Variants in SND1 observed in about 807,000 individuals in gnomAD.
SND1 encodes the protein staphylococcal nuclease domain-containing protein 1.
SND1 carries 38 observed loss-of-function variants against 121.7 expected under a neutral mutation model. The ratio of observed to expected loss-of-function variants is 0.31; its 90% CI spans 0.24 to 0.41. The LOEUF is 0.41. Ranked by LOEUF, SND1 falls within the 10% of genes least tolerant of loss-of-function variation. The pLI, the probability that SND1 is intolerant of heterozygous loss-of-function variation, is 1.00. For synonymous variants in SND1, 401 were observed against 447.4 expected, an observed-to-expected ratio of 0.90 and a Z score of 1.31; for missense variants, 868 against 1,184.6, an observed-to-expected ratio of 0.73 and a Z score of 3.92.
intron 15 of SND1, among the ~76,000 whole-genome samples, chr7:127,932,553 A>G (rs1800975044): frequency 1.3e-5 from 2 of 152,372 alleles, no homozygotes; most frequent in African/African-American, 4.8e-5. Context: ...GTTTGAGAGA[A>G]TGGACTCTAA....
At chr7:128,026,175 T>C (rs1803471974) in intron 16 of SND1, among the ~76,000 whole-genome samples, 1 of 152,190 alleles carries the variant, frequency 6.6e-6, no homozygotes, top group South Asian at 2.1e-4. Context: ...AATTTCTTGC[T>C]TTTTCACCTG....
At chr7:127,826,185 C>A (rs1378858850) in intron 11 of SND1, among the ~76,000 whole-genome samples, 3 of 152,176 alleles carry the variant, frequency 2.0e-5, no homozygotes, top group Non-Finnish European at 2.9e-5. Context: ...GAGCGAAACT[C>A]AGTCTCAAAA....
At chr7:128,077,158 C>T (rs1041811952) in intron 17 of SND1, among the ~76,000 whole-genome samples, 6 of 152,340 alleles carry the variant, frequency 3.9e-5, no homozygotes, top group Middle Eastern at 3.4e-3. Flanking sequence ...TAAAGGCCTC[C>T]GCCACCTTGG....
At chr7:127,726,829 G>T (rs554450195) in intron 10 of SND1, among the ~76,000 whole-genome samples, 5 of 152,174 alleles carry the variant, frequency 3.3e-5, no homozygotes, top group Admixed American at 2.0e-4. Context: ...CAATCCCCAG[G>T]TGTATAAAAT....
chr7:128,074,804 G>C (rs1371073896), intron 17 of SND1, 114 bp downstream of exon 17: 1 of 1,081,776 alleles, frequency 9.2e-7, no homozygotes, highest in South Asian at 1.6e-5. Flanking sequence ...AGTAGCCCAG[G>C]AAGGTGTTGG....
chr7:127,955,717 G>A (rs192018428), intron 15 of SND1, among the ~76,000 whole-genome samples: 3 of 152,236 alleles, frequency 2.0e-5, no homozygotes, highest in Admixed American at 2.0e-4. Flanking sequence ...GCTCTGACAG[G>A]ATTCTGTCTC....
intron 13 of SND1, among the ~76,000 whole-genome samples, chr7:127,896,444 A>G (rs1360656904): frequency 6.6e-6 from 1 of 152,056 alleles, no homozygotes; most frequent in African/African-American, 2.4e-5. Context: ...CAGGCACATC[A>G]CTATCGCTCG....
intron 12 of SND1, among the ~76,000 whole-genome samples, chr7:127,852,063 G>A (rs1222206120): frequency 6.6e-6 from 1 of 152,060 alleles, no homozygotes; most frequent in Non-Finnish European, 1.5e-5. Context: ...GGAAGGCTGA[G>A]GCATGAGAAT....
intron 10 of SND1, among the ~76,000 whole-genome samples, chr7:127,795,024 C>T (rs1385206184): frequency 3.9e-5 from 6 of 152,200 alleles, no homozygotes; most frequent in Admixed American, 3.9e-4. Context: ...TTTTCCTCTA[C>T]TGCTTTTAAA....
intron 15 of SND1, among the ~76,000 whole-genome samples, chr7:127,980,891 ATTT>A (rs1432747644): frequency 6.6e-6 from 1 of 151,896 alleles, no homozygotes; most frequent in Non-Finnish European, 1.5e-5. Flanking sequence ...GTAGATTCAA[ATTT>A]TTCTCTTTAT....
chr7:127,750,313 T>A (rs1300254224), intron 10 of SND1, among the ~76,000 whole-genome samples: 1 of 152,186 alleles, frequency 6.6e-6, no homozygotes, highest in East Asian at 1.9e-4. Flanking sequence ...CTGGTTCTTA[T>A]GAGTGGAAAG....
chr7:127,655,865 C>T (rs766163065), intron 1 of SND1, among the ~76,000 whole-genome samples: 3 of 152,070 alleles, frequency 2.0e-5, no homozygotes, highest in Non-Finnish European at 2.9e-5. Flanking sequence ...GTCAAGCATT[C>T]GCAACAGCAG....
intron 1 of SND1, among the ~76,000 whole-genome samples, chr7:127,679,480 T>C (rs1795673172): frequency 6.6e-6 from 1 of 152,196 alleles, no homozygotes; most frequent in Admixed American, 6.5e-5. Context: ...GTTGACACTT[T>C]TAAAGTATAT....
At chr7:127,760,974 T>C (rs1325938382) in intron 10 of SND1, among the ~76,000 whole-genome samples, 1 of 152,224 alleles carries the variant, frequency 6.6e-6, no homozygotes, top group Admixed American at 6.5e-5. Context: ...TCATAATCTT[T>C]AGAGAACATT....
intron 11 of SND1, among the ~76,000 whole-genome samples, chr7:127,841,451 A>T (rs951294607): frequency 6.6e-5 from 10 of 152,134 alleles, no homozygotes; most frequent in Non-Finnish European, 2.9e-5. Flanking sequence ...TCCTATTTAA[A>T]ATGGGCCCTG....
At chr7:128,021,706 T>C (rs1246470534) in intron 16 of SND1, among the ~76,000 whole-genome samples, 1 of 152,052 alleles carries the variant, frequency 6.6e-6, no homozygotes, top group Non-Finnish European at 1.5e-5. Flanking sequence ...TAAAAGAGAC[T>C]ACAAATTAAG....
intron 11 of SND1, among the ~76,000 whole-genome samples, chr7:127,808,298 G>A (rs1002074677): frequency 3.3e-5 from 5 of 151,962 alleles, no homozygotes; most frequent in African/African-American, 9.7e-5. Context: ...GAATAGCTGG[G>A]ACTGCAGGTA....
chr7:127,913,376 A>G (rs1287956026), intron 14 of SND1, among the ~76,000 whole-genome samples: 2 of 152,218 alleles, frequency 1.3e-5, no homozygotes, highest in African/African-American at 2.4e-5. Context: ...CTTTTAGTGA[A>G]GTGTACTGAG....
chr7:128,066,609 A>G (rs1322563611), intron 16 of SND1, among the ~76,000 whole-genome samples: 2 of 152,262 alleles, frequency 1.3e-5, no homozygotes, highest in Admixed American at 6.5e-5. Context: ...CTTCCACAGC[A>G]TCGCCTTATT....
Sources: gnomAD v4.1 joint callset for allele counts (sites outside exome capture counted in the v4.1 genomes callset) on GRCh38, gnomAD v4.1.1 for gene constraint, MANE v1.5 for transcripts, NCBI Gene and HGNC (gene_info 2026-07-23, HGNC 2026-07-21) for gene names.